RTL4: variants seen among roughly 807,000 people sequenced by gnomAD.
The protein encoded by RTL4 is retrotransposon Gag-like protein 4.
RTL4 carries 4 observed loss-of-function variants against 5.3 expected under a neutral mutation model. The observed-to-expected ratio is 0.75, with a 90% CI of 0.37 to 1.72. The LOEUF is 1.72. Ranked by LOEUF, RTL4 falls within the 40% of genes most tolerant of loss-of-function variation. The pLI, the probability that RTL4 is intolerant of heterozygous loss-of-function variation, is 0.04. For missense variants in RTL4, 260 were observed against 227.1 expected, an observed-to-expected ratio of 1.14 and a Z score of -0.93; for synonymous variants, 98 against 87.3, an observed-to-expected ratio of 1.12 and a Z score of -0.68.
chrX:112,094,027 T>C, the RTL4 span, among the ~76,000 whole-genome samples: 4 of 111,908 alleles, frequency 3.6e-5, no homozygotes, highest in East Asian at 1.1e-3. Context: ...AGAAGGAGAC[T>C]TATATGACTA....
the RTL4 span, among the ~76,000 whole-genome samples, chrX:112,285,043 T>G: frequency 8.9e-6 from 1 of 111,954 alleles, no homozygotes; most frequent in African/African-American, 3.2e-5. Flanking sequence ...ATGCTTTCAT[T>G]CCTCTAAAAA....
the RTL4 span, among the ~76,000 whole-genome samples, chrX:112,301,760 C>T: frequency 9.2e-6 from 1 of 108,290 alleles, no homozygotes; most frequent in Non-Finnish European, 1.9e-5. Flanking sequence ...TCCAGAAGTT[C>T]GAGACCAGCC....
the RTL4 span, among the ~76,000 whole-genome samples, chrX:112,161,875 T>TTTCTTTCTTTCTTTC: frequency 2.3e-5 from 1 of 42,585 alleles, no homozygotes; most frequent in Non-Finnish European, 4.9e-5. Flanking sequence ...CTTTCTTTCC[T>TTTCTTTCTTTCTTTC]TCTTTCTTCT....
At chrX:112,132,910 T>C in the RTL4 span, among the ~76,000 whole-genome samples, 3 of 112,649 alleles carry the variant, frequency 2.7e-5, no homozygotes, top group African/African-American at 9.7e-5. Flanking sequence ...ACAAATCTTT[T>C]GCCTTGAGTA....
the RTL4 span, among the ~76,000 whole-genome samples, chrX:112,446,013 C>T: frequency 5.4e-5 from 6 of 111,283 alleles, no homozygotes; most frequent in Admixed American, 9.6e-5. Flanking sequence ...CTAATAGTAA[C>T]GGTGCAGAAG....
At chrX:112,109,399 G>T in the RTL4 span, among the ~76,000 whole-genome samples, 80 of 111,646 alleles carry the variant, frequency 7.2e-4, no homozygotes, top group Non-Finnish European at 1.3e-3. Context: ...CTTCCACAGT[G>T]TGAAAGGGGA....
the RTL4 span, among the ~76,000 whole-genome samples, chrX:112,369,615 A>G: frequency 8.9e-6 from 1 of 112,189 alleles, no homozygotes; most frequent in Admixed American, 9.4e-5. Flanking sequence ...TTTTTAGAAG[A>G]GAAAAAGAAG....
chrX:112,180,283 T>C, the RTL4 span, among the ~76,000 whole-genome samples: 2 of 111,579 alleles, frequency 1.8e-5, no homozygotes. Flanking sequence ...TAAATGCAGC[T>C]TGTAAAAATC....
At chrX:112,393,940 G>A in the RTL4 span, among the ~76,000 whole-genome samples, 1 of 111,971 alleles carries the variant, frequency 8.9e-6, no homozygotes, top group East Asian at 2.8e-4. Flanking sequence ...TGGAAAGCCT[G>A]TGTATCCAAG....
the RTL4 span, among the ~76,000 whole-genome samples, chrX:112,313,731 T>C: frequency 9.1e-6 from 1 of 110,030 alleles, no homozygotes; most frequent in Non-Finnish European, 1.9e-5. Context: ...AATTCAGTTA[T>C]AGCGCTTGAG....
the RTL4 span, among the ~76,000 whole-genome samples, chrX:112,263,150 A>G: frequency 3.7e-5 from 4 of 106,731 alleles, no homozygotes; most frequent in African/African-American, 1.4e-4. Flanking sequence ...ACATGTATAC[A>G]TATGTAACAA....
At chrX:112,390,222 G>A in the RTL4 span, among the ~76,000 whole-genome samples, 1 of 86,880 alleles carries the variant, frequency 1.2e-5, no homozygotes, top group African/African-American at 4.3e-5. Flanking sequence ...GGAGGCTGAG[G>A]GAAGTGGATC....
the RTL4 span, among the ~76,000 whole-genome samples, chrX:112,341,631 G>A: frequency 2.7e-5 from 3 of 111,810 alleles, no homozygotes; most frequent in African/African-American, 9.8e-5. Context: ...GGTAGAAAAT[G>A]ACTGGAAGAA....
At chrX:112,175,091 C>A in the RTL4 span, among the ~76,000 whole-genome samples, 1 of 104,799 alleles carries the variant, frequency 9.5e-6, no homozygotes. Context: ...TAATTAGATC[C>A]CATTTGTCAA....
chrX:112,165,289 A>T, the RTL4 span, among the ~76,000 whole-genome samples: 1 of 112,694 alleles, frequency 8.9e-6, no homozygotes, highest in African/African-American at 3.2e-5. Context: ...CATACAATGT[A>T]AACAGCAACT....
At chrX:112,353,258 C>T in the RTL4 span, among the ~76,000 whole-genome samples, 75 of 111,403 alleles carry the variant, frequency 6.7e-4, no homozygotes, top group Non-Finnish European at 1.2e-3. Context: ...GTTCAACCAT[C>T]GTGGAAGTCA....
At chrX:112,221,073 T>C in the RTL4 span, among the ~76,000 whole-genome samples, 1 of 112,108 alleles carries the variant, frequency 8.9e-6, no homozygotes, top group Admixed American at 9.5e-5. Context: ...TGAGACTGGG[T>C]AATTTATACA....
the RTL4 span, among the ~76,000 whole-genome samples, chrX:112,421,371 A>T: frequency 8.9e-6 from 1 of 111,760 alleles, no homozygotes; most frequent in African/African-American, 3.2e-5. Flanking sequence ...AATAAACAGA[A>T]TTTTTCTCTA....
the RTL4 span, chrX:112,319,914 G>A: frequency 6.2e-5 from 7 of 112,332 alleles, no homozygotes; most frequent in South Asian, 3.7e-4. Context: ...TTACTGATTC[G>A]TTCTTTGCAG....
Sources: gnomAD v4.1 joint callset for allele counts (sites outside exome capture counted in the v4.1 genomes callset) on GRCh38, gnomAD v4.1.1 for gene constraint, MANE v1.5 for transcripts, NCBI Gene and HGNC (gene_info 2026-07-23, HGNC 2026-07-21) for gene names.